The following LPP variants were observed in gnomAD, a reference collection of about 807,000 sequenced individuals.
LPP encodes the protein lipoma-preferred partner.
In LPP, 38 loss-of-function variants were observed where a neutral mutation model predicts 60.4. The observed-to-expected ratio is 0.63, with a 90% CI of 0.49 to 0.83. LPP has a LOEUF of 0.83. Ranked by LOEUF, LPP falls within the 40% of genes least tolerant of loss-of-function variation. The pLI, the probability that LPP is intolerant of heterozygous loss-of-function variation, is 0.00. For synonymous variants in LPP, 328 were observed against 290.8 expected, an observed-to-expected ratio of 1.13 and a Z score of -1.30; for missense variants, 902 against 783.6, an observed-to-expected ratio of 1.15 and a Z score of -1.80.
At chr3:188,734,514 C>A (rs1434713604) in intron 8 of LPP, among the ~76,000 whole-genome samples, 1 of 152,216 alleles carries the variant, frequency 6.6e-6, no homozygotes, top group African/African-American at 2.4e-5. Flanking sequence ...GCAATTGCCC[C>A]ATGGCTAATT....
chr3:188,800,246 C>CT (rs33982362), intron 9 of LPP, among the ~76,000 whole-genome samples: 4,599 of 97,214 alleles, frequency 0.047, 486 homozygotes, highest in African/African-American at 0.15. Context: ...TTGAAGCTTT[C>CT]TTTTTTTTTT....
At chr3:188,588,472 T>G (rs1055045025) in intron 6 of LPP, among the ~76,000 whole-genome samples, 6 of 152,228 alleles carry the variant, frequency 3.9e-5, no homozygotes, top group African/African-American at 9.6e-5. Flanking sequence ...TTGATTCGTC[T>G]TCTTTACTTT....
chr3:188,308,629 GT>G (rs1313480736), intron 2 of LPP, among the ~76,000 whole-genome samples: 2 of 152,190 alleles, frequency 1.3e-5, no homozygotes, highest in Non-Finnish European at 2.9e-5. Flanking sequence ...TGCTGGTGGA[GT>G]CATTGTGTCA....
At chr3:188,753,826 A>G (rs1302773797) in intron 8 of LPP, among the ~76,000 whole-genome samples, 1 of 151,984 alleles carries the variant, frequency 6.6e-6, no homozygotes. Context: ...AGAGAGAGGG[A>G]AACAGACATT....
chr3:188,810,697 G>A lies in LPP; in HGVS notation c.1410+50415G>A, dbSNP rs148955540. ...GGTGGTCTTGGAAGGTATCTTCCAC[G>A]GATAAAAGGACACTACGGTAGTTGG... is the stretch of plus-strand genomic sequence containing the variant. On this transcript the variant is annotated intron_variant, in intron 9 of 11. Transcript: ENST00000617246. Among the ~76,000 whole-genome samples the A allele has an allele frequency of 7.7e-3, 1,179 of 152,194 alleles. 18 individuals carry two copies. The highest frequency in any genetic ancestry group is 0.027 in the African/African-American group (1,109 of 41,538).
At chr3:188,285,786 A>T (rs1293898374) in intron 2 of LPP, among the ~76,000 whole-genome samples, 1 of 152,116 alleles carries the variant, frequency 6.6e-6, no homozygotes, top group East Asian at 1.9e-4. Flanking sequence ...ATTAAGTATC[A>T]CTTTGGTTTG....
rs1038484732 is a variant in LPP, at chr3:188,640,733, A to G, written c.1113+30889A>G. Among the ~76,000 whole-genome samples, 104 of 151,878 alleles carry G rather than the reference A, an allele frequency of 6.8e-4. 2 individuals are homozygous for G. The highest frequency in any genetic ancestry group is 2.1e-4 in the Non-Finnish European group (14 of 67,966). The stretch of plus-strand genomic sequence containing the variant: ...CTCTTTTGGAATTTTTTTTTTTTAA[A>G]CTTGAATATATCAGAATGATAGTAA... On this transcript the variant is annotated intron_variant, in intron 7 of 11. Transcript: ENST00000617246.
chr3:188,852,206 G>A lies in LPP; in HGVS notation c.1411-13994G>A, dbSNP rs142613580. On this transcript the variant is annotated intron_variant, in intron 9 of 11. Coordinates refer to ENST00000617246, the MANE Select transcript of LPP (RefSeq NM_001375462.1). ...AGAAAGAAATTTGATTGTGTCTCAA[G>A]TGGGCAAGTTTGGCTTGGGGTCTTT... 2.6e-5 allele frequency among the ~76,000 whole-genome samples: 4 copies of A among 152,252 alleles called. No homozygotes were observed. The East Asian group carries it at 7.7e-4, about 29-fold the overall frequency.
chr3:188,592,557 G>GTTTTTTTTTTTTTTTTT (rs1553936333), intron 6 of LPP, among the ~76,000 whole-genome samples: 3 of 85,754 alleles, frequency 3.5e-5, no homozygotes, highest in African/African-American at 1.4e-4. Flanking sequence ...TTTTGTTTTT[G>GTTTTTTTTTTTTTTTTT]TTTTTTAAAT....
chr3:188,511,770 A>G (rs1430934508), intron 5 of LPP, among the ~76,000 whole-genome samples: 1 of 152,176 alleles, frequency 6.6e-6, no homozygotes, highest in Non-Finnish European at 1.5e-5. Flanking sequence ...CGTATATATG[A>G]AAATGCTTTT....
intron 2 of LPP, among the ~76,000 whole-genome samples, chr3:188,311,626 T>A (rs1753468497): frequency 7.2e-6 from 1 of 138,648 alleles, no homozygotes; most frequent in African/African-American, 2.9e-5. Context: ...TGTGCTATTG[T>A]CCAACATTTC....
At chr3:188,771,664 C>T (rs1172367610) in intron 9 of LPP, among the ~76,000 whole-genome samples, 1 of 151,798 alleles carries the variant, frequency 6.6e-6, no homozygotes, top group Non-Finnish European at 1.5e-5. Context: ...AATGAGGATT[C>T]GGAGAGGACA....
intron 6 of LPP, among the ~76,000 whole-genome samples, chr3:188,549,458 A>C (rs1014010669): frequency 1.3e-5 from 2 of 152,188 alleles, no homozygotes; most frequent in African/African-American, 4.8e-5. Context: ...TAGGAATAAA[A>C]GGATGTTAGC....
chr3:188,291,502 C>T (rs1016620760), intron 2 of LPP, among the ~76,000 whole-genome samples: 20 of 151,752 alleles, frequency 1.3e-4, no homozygotes, highest in Admixed American at 1.1e-3. Flanking sequence ...AAAAATTAGC[C>T]GGGCATGGTG....
At chr3:188,694,642 C>T (rs1209587898) in intron 7 of LPP, among the ~76,000 whole-genome samples, 2 of 150,456 alleles carry the variant, frequency 1.3e-5, no homozygotes, top group Non-Finnish European at 1.5e-5. Context: ...TCAGAGGTTG[C>T]GGTGAGCCGA....
At chr3:188,640,340 G>A (rs1266481599) in intron 7 of LPP, among the ~76,000 whole-genome samples, 3 of 141,892 alleles carry the variant, frequency 2.1e-5, no homozygotes, top group Non-Finnish European at 3.0e-5. Context: ...GACACAGGAA[G>A]GGGAACATCA....
rs116433000 is a variant in LPP, at chr3:188,398,466, C to T, written c.-9-7646C>T. On this transcript the variant is annotated intron_variant, in intron 3 of 11. Transcript: ENST00000617246. ...TGGCATTTCTGTAGCGTTGTTCTCT[C>T]GTTACCTCTTCTGAGCAATGCCAGC... Among the ~76,000 whole-genome samples, 875 of 152,314 alleles carry T rather than the reference C, an allele frequency of 5.7e-3. 10 individuals are homozygous for T. The highest frequency in any genetic ancestry group is 0.02 in the African/African-American group (838 of 41,570).
At chr3:188,492,680 A>C (rs1808742193) in intron 5 of LPP, among the ~76,000 whole-genome samples, 1 of 152,182 alleles carries the variant, frequency 6.6e-6, no homozygotes, top group Non-Finnish European at 1.5e-5. Context: ...TGGGTGACAA[A>C]AGCGAAACTC....
At chr3:188,452,639 A>G (rs1489123657) in intron 4 of LPP, among the ~76,000 whole-genome samples, 1 of 152,156 alleles carries the variant, frequency 6.6e-6, no homozygotes, top group African/African-American at 2.4e-5. Flanking sequence ...TCCGTTCAGT[A>G]CTTCTGCCCC....
Sources: allele counts gnomAD v4.1 joint callset (sites outside exome capture counted in the v4.1 genomes callset), GRCh38; gene constraint gnomAD v4.1.1; transcripts MANE v1.5; gene names NCBI Gene and HGNC (gene_info 2026-07-23, HGNC 2026-07-21).